Variants in TNNI3K observed in about 807,000 individuals in gnomAD.
TNNI3K encodes serine/threonine-protein kinase TNNI3K.
Under a neutral mutation model 114.5 loss-of-function variants are expected in TNNI3K, and 140 were observed. That is an observed-to-expected ratio of 1.22 (90% confidence interval 1.07 to 1.41). The LOEUF is 1.41. TNNI3K is among the 40% of genes most tolerant of loss of function. TNNI3K has a pLI of 0.00. For synonymous variants in TNNI3K, 347 were observed against 347.5 expected, an observed-to-expected ratio of 1.00 and a Z score of 0.02; for missense variants, 1,125 against 1,007.6, an observed-to-expected ratio of 1.12 and a Z score of -1.58.
Position 74,544,098 on chromosome 1 carries a change from G to A in TNNI3K, c.*116G>A. The A allele has an allele frequency of 1.7e-6, 2 of 1,183,354 alleles. No individual in the cohort carries two copies. Among genetic ancestry groups the A allele is most frequent in the Non-Finnish European group, 1.2e-6 (1 of 863,024 alleles). The allele number at this position is 1,183,354 out of a possible 1,614,324, so 73.3% of individuals were successfully genotyped here. On this transcript the variant is annotated 3_prime_UTR_variant, in exon 25 of 25. Transcript: ENST00000326637. ...TTACTCTCAAAGGTCTCCTTAAATT[G>A]GGCTTGTTTTTACTTGTCCTATTTA...
intron 23 of TNNI3K, among the ~76,000 whole-genome samples, chr1:74,516,915 T>C (rs1227703525): frequency 6.6e-6 from 1 of 152,170 alleles, no homozygotes; most frequent in Non-Finnish European, 1.5e-5. Context: ...AACTACATGA[T>C]AGACAGTATT....
chr1:74,281,305 G>T (rs186316813), intron 5 of TNNI3K, among the ~76,000 whole-genome samples: 19 of 149,764 alleles, frequency 1.3e-4, no homozygotes, highest in African/African-American at 4.4e-4. Context: ...GTTTTAGAAA[G>T]TGGATTATAC....
intron 5 of TNNI3K, among the ~76,000 whole-genome samples, chr1:74,286,227 A>T (rs967087417): frequency 2.0e-5 from 3 of 152,164 alleles, no homozygotes; most frequent in Non-Finnish European, 4.4e-5. Flanking sequence ...CCCCAGCACC[A>T]TGCCTACCCC....
At chr1:74,393,224 C>T (rs1663884499) in intron 17 of TNNI3K, among the ~76,000 whole-genome samples, 1 of 151,252 alleles carries the variant, frequency 6.6e-6, no homozygotes. Flanking sequence ...TGGAGAAGGA[C>T]AGGAATATTG....
chr1:74,322,393 G>C (rs566362143), intron 5 of TNNI3K, among the ~76,000 whole-genome samples: 68 of 150,722 alleles, frequency 4.5e-4, no homozygotes, highest in Non-Finnish European at 6.3e-4. Flanking sequence ...ATAGTCATTT[G>C]TTGACCATTT....
intron 17 of TNNI3K, chr1:74,378,524 A>T (rs1391975602): frequency 6.8e-6 from 1 of 147,926 alleles, no homozygotes; most frequent in African/African-American, 2.5e-5. Context: ...AATATATAAG[A>T]TGTACATGAC....
In TNNI3K at chr1:74,247,736, C is replaced by A. The variant is rs539088255; in HGVS notation, c.150-1723C>A. ...AGTGCTGATTGGTGCATCCACAAAC[C>A]CCAAGACAGACACAGAGTGCTGATT... On this transcript the variant is annotated intron_variant, in intron 2 of 24. Coordinates refer to ENST00000326637, the MANE Select transcript of TNNI3K (RefSeq NM_015978.3). 1.8e-4 allele frequency among the ~76,000 whole-genome samples: 28 copies of A among 152,178 alleles called. No homozygotes were observed. The South Asian group carries it at 5.6e-3, about 30-fold the overall frequency.
chr1:74,460,994 T>TC (rs552234597), intron 20 of TNNI3K, among the ~76,000 whole-genome samples: 2 of 152,280 alleles, frequency 1.3e-5, no homozygotes, highest in South Asian at 4.1e-4. Context: ...TTATGACTAG[T>TC]CCCTCCCCAC....
chr1:74,483,126 G>T (rs1668585885), intron 21 of TNNI3K: 1 of 492,732 alleles, frequency 2.0e-6, no homozygotes. Context: ...AGTCTCTTTA[G>T]TCATTGTATG....
intron 20 of TNNI3K, among the ~76,000 whole-genome samples, chr1:74,460,723 C>T (rs1020506705): frequency 1.1e-4 from 16 of 152,230 alleles, no homozygotes; most frequent in Admixed American, 9.2e-4. Flanking sequence ...TTTCATGACC[C>T]CCTCATGTTA....
At chr1:74,474,227 C>T (rs1668073096) in intron 21 of TNNI3K, among the ~76,000 whole-genome samples, 1 of 152,052 alleles carries the variant, frequency 6.6e-6, no homozygotes, top group African/African-American at 2.4e-5. Context: ...GAAAGATCTG[C>T]CTAAGGTATG....
intron 5 of TNNI3K, among the ~76,000 whole-genome samples, chr1:74,319,805 G>A (rs1391117924): frequency 1.3e-5 from 2 of 152,300 alleles, no homozygotes; most frequent in African/African-American, 4.8e-5. Flanking sequence ...GTGCCACCTA[G>A]CTCTACTCTG....
rs58506314 is a variant in TNNI3K, at chr1:74,486,201, A to AAGAGAGAGAGAGAGAGAGAGAGAG, written c.2122-2979_2122-2956dup. On this transcript the variant is annotated intron_variant, in intron 21 of 24. Coordinates refer to ENST00000326637, the MANE Select transcript of TNNI3K (RefSeq NM_015978.3). ...GTCTACCCTCAGGCTAAATGCTATAAAGAGAGAGAGAGAGAGAGAGAGAGA... is the reference window on the plus strand; with the variant it reads ...GTCTACCCTCAGGCTAAATGCTATAAAGAGAGAGAGAGAGAGAGAGAGAGAGAGAGAGAGAGAGAGAGAGAGAGA... 2.7e-3 allele frequency among the ~76,000 whole-genome samples: 369 copies of AAGAGAGAGAGAGAGAGAGAGAGAG among 136,468 alleles called. 4 individuals carry two copies. The highest frequency in any genetic ancestry group is 9.4e-3 in the African/African-American group (359 of 38,076). 89.5% of individuals were successfully genotyped at this position (136,468 alleles called of 152,430 possible). A position where few individuals can be genotyped will look rare whatever the true frequency, so the allele number is the denominator to read the frequency against.
intron 5 of TNNI3K, among the ~76,000 whole-genome samples, chr1:74,278,259 C>A (rs1193379002): frequency 6.6e-6 from 1 of 152,094 alleles, no homozygotes; most frequent in Non-Finnish European, 1.5e-5. Context: ...GGAATCAGAA[C>A]AAATAATGAA....
At chr1:74,367,024 C>A (rs886590949) in intron 11 of TNNI3K, among the ~76,000 whole-genome samples, 2 of 151,998 alleles carry the variant, frequency 1.3e-5, no homozygotes, top group Non-Finnish European at 2.9e-5. Flanking sequence ...TTGTTCACTG[C>A]ATCACCAGTA....
chr1:74,326,709 T>A (rs74622571), intron 5 of TNNI3K, among the ~76,000 whole-genome samples: 2,290 of 152,276 alleles, frequency 0.015, 50 homozygotes, highest in African/African-American at 0.05. Context: ...ATTAATACAA[T>A]GACCTATTTT....
intron 11 of TNNI3K, among the ~76,000 whole-genome samples, chr1:74,365,099 G>A (rs1482568677): frequency 6.6e-6 from 1 of 152,022 alleles, no homozygotes; most frequent in Non-Finnish European, 1.5e-5. Flanking sequence ...AAGTGTAAAA[G>A]CAGTGACAAG....
intron 5 of TNNI3K, among the ~76,000 whole-genome samples, chr1:74,295,785 T>C (rs1211858024): frequency 6.6e-6 from 1 of 152,200 alleles, no homozygotes; most frequent in Non-Finnish European, 1.5e-5. Context: ...TATTTTAAAA[T>C]TTGAGACTAA....
intron 23 of TNNI3K, among the ~76,000 whole-genome samples, chr1:74,534,026 G>A (rs143825164): frequency 1.3e-5 from 2 of 152,254 alleles, no homozygotes; most frequent in African/African-American, 2.4e-5. Context: ...TCCCCAAAAC[G>A]CCGGTGAAAT....
Sources: gnomAD v4.1 joint callset for allele counts (sites outside exome capture counted in the v4.1 genomes callset) on GRCh38, gnomAD v4.1.1 for gene constraint, MANE v1.5 for transcripts, NCBI Gene and HGNC (gene_info 2026-07-23, HGNC 2026-07-21) for gene names.